ULK1: variants seen among roughly 807,000 people sequenced by gnomAD.
ULK1 encodes the protein serine/threonine-protein kinase ULK1.
Under a neutral mutation model 117.5 loss-of-function variants are expected in ULK1, and 48 were observed. That is an observed-to-expected ratio of 0.41 (90% confidence interval 0.32 to 0.52). The LOEUF is 0.52. Among genes scored for constraint, ULK1 ranks in the 20% least tolerant of loss-of-function variants. The probability of loss-of-function intolerance (pLI) is 0.29; values close to 1 mark genes in which losing one functional copy is unlikely to be tolerated. For synonymous variants in ULK1, 790 were observed against 637.8 expected (o/e 1.24, Z -3.60); for missense variants, 1,387 against 1,473.4 (o/e 0.94, Z 0.96).
intron 13 of ULK1, among the ~76,000 whole-genome samples, chr12:131,912,470 A>AC (rs1445384953): frequency 2.0e-5 from 3 of 152,058 alleles, no homozygotes; most frequent in Non-Finnish European, 4.4e-5. Flanking sequence ...CTTTTGGGGA[A>AC]CCCCCCGCTC....
chr12:131,918,522 T>C lies in ULK1; in HGVS notation c.2352T>C (p.Ser784=). Residue 784 remains serine, a synonymous_variant, in exon 23 of 28, where the codon TCT becomes TCC. Coordinates refer to ENST00000321867, the MANE Select transcript of ULK1 (RefSeq NM_003565.4). ...FSAGPTGSAS[S]SARHLVPGPC... is the part of the protein sequence containing the mutation. Reference sequence around the variant, plus strand: ...CGGGCCCCACTGGCTCTGCCAGCTCTTCTGCCCGCCACCTGGTGCCTGGGC... The same window carrying C: ...CGGGCCCCACTGGCTCTGCCAGCTCCTCTGCCCGCCACCTGGTGCCTGGGC... 1 of 1,610,650 alleles carries C rather than the reference T, an allele frequency of 6.2e-7. No homozygotes were observed. The highest frequency in any genetic ancestry group is 1.7e-5 in the Admixed American group (1 of 59,882).
At chr12:131,917,681 C>A (rs1889924606) in intron 22 of ULK1, 127 bp downstream of exon 22, 5 of 966,210 alleles carry the variant, frequency 5.2e-6, no homozygotes, top group Admixed American at 4.1e-5. Context: ...CCTGAGGAAG[C>A]AGCTCAGGCC....
rs780320013 is a variant in ULK1 at position 131,917,401 on chromosome 12, GCT to G, written c.2183-6_2183-5del. 1 of 1,498,498 alleles carries G rather than the reference GCT, an allele frequency of 6.7e-7. No homozygotes were observed. The highest frequency in any genetic ancestry group is 2.2e-5 in the Admixed American group (1 of 45,806). 92.8% of individuals were successfully genotyped at this position (1,498,498 alleles called of 1,614,324 possible). A position where few individuals can be genotyped will look rare whatever the true frequency, so the allele number is the denominator to read the frequency against. ...TCAGGATGCTCCTGAGCCCTTCCTT[GCT>G]CTCCCAGCACCCTCAGCTGGCTTTG... On this transcript the variant is annotated splice_polypyrimidine_tract_variant and splice_region_variant and intron_variant, in intron 21 of 27. Coordinates refer to ENST00000321867, the MANE Select transcript of ULK1 (RefSeq NM_003565.4).
chr12:131,914,454 A>G lies in ULK1; in HGVS notation c.1350A>G (p.Ser450=), dbSNP rs138425959. The G allele has an allele frequency of 1.9e-5, 30 of 1,612,672 alleles. No homozygotes were observed. The highest frequency in any genetic ancestry group is 2.1e-5 in the Non-Finnish European group (25 of 1,179,916). ...NYQRIERNLQ[S]PTQFQTPRSS... is the part of the protein sequence containing the mutation. ...AGCGCATTGAGCGAAACCTGCAGTC[A>G]CCCACCCAGTTCCAAACACCTCGGT... is the stretch of plus-strand genomic sequence containing the variant. The change falls in exon 16 of 28, where the codon TCA becomes TCG. Residue 450 remains serine, a synonymous_variant. Transcript: ENST00000321867.
At chr12:131,895,253 A>G (rs958643677) in intron 1 of ULK1, 141 bp downstream of exon 1, 5 of 186,748 alleles carry the variant, frequency 2.7e-5, no homozygotes, top group African/African-American at 1.7e-4. Flanking sequence ...CCCCCACCCC[A>G]GGATCCCCAC....
chr12:131,896,183 G>T (rs1888860259), intron 3 of ULK1, among the ~76,000 whole-genome samples: 1 of 152,110 alleles, frequency 6.6e-6, no homozygotes, highest in African/African-American at 2.4e-5. Flanking sequence ...CCGTGTGTTT[G>T]TTGACATTGC....
chr12:131,905,566 C>T (rs1489912562), intron 3 of ULK1, among the ~76,000 whole-genome samples: 2 of 152,156 alleles, frequency 1.3e-5, no homozygotes, highest in South Asian at 2.1e-4. Context: ...TGGATGTGTA[C>T]AGGGCAGAGG....
At chr12:131,916,765 A>G (rs1042458988) in intron 20 of ULK1, among the ~76,000 whole-genome samples, 174 bp downstream of exon 20, 3 of 151,350 alleles carry the variant, frequency 2.0e-5, no homozygotes, top group African/African-American at 4.9e-5. Context: ...CTGGCCCTAG[A>G]CCCACAGCAG....
chr12:131,896,398 G>A (rs1888874484), intron 3 of ULK1: 1 of 158,702 alleles, frequency 6.3e-6, no homozygotes, highest in African/African-American at 2.4e-5. Context: ...CCGTGTCCCG[G>A]GGCCCAGGGC....
At chr12:131,910,576 C>T in intron 11 of ULK1, 136 bp from the exon 12 acceptor site, 1 of 1,569,954 alleles carries the variant, frequency 6.4e-7, no homozygotes. Context: ...AGGAGGGAGC[C>T]TCCCTCCTTC....
At position 131,921,289 on chromosome 12, in the gene ULK1, C is replaced by T. The variant is rs201078741; in HGVS notation, c.3098-17C>T. 11 of 1,608,138 alleles carry T rather than the reference C, an allele frequency of 6.8e-6. No individual in the cohort carries two copies. The East Asian group carries it at 8.9e-5, about 13-fold the overall frequency. ...GGACTCTGGGCGTCTCCCTCACACT[C>T]CCCTCTCCCTCCACAGGCAAGCTGT... is the stretch of plus-strand genomic sequence containing the variant. On this transcript the variant is annotated splice_polypyrimidine_tract_variant and intron_variant, in intron 27 of 27. Transcript: ENST00000321867.
Position 131,909,994 on chromosome 12 carries a change from G to C in ULK1, c.801G>C (p.Met267Ile). The change falls in exon 10 of 28, where the codon ATG becomes ATC. Residue 267 changes from methionine to isoleucine, a missense_variant. This residue lies in a region of ULK1 where 260 missense variants were observed against 271.6 expected (regional missense o/e 0.96). Transcript: ENST00000321867. ...ALLQRNHKDR[M>I]DFDEFFHHPF... The stretch of plus-strand genomic sequence containing the variant: ...TGCAACGCAACCACAAGGACCGCAT[G>C]GACTTCGGTGAGCACCCACCAGGGG... 1 of 1,611,796 alleles carries C rather than the reference G, an allele frequency of 6.2e-7. No homozygotes were observed. The highest frequency in any genetic ancestry group is 8.5e-7 in the Non-Finnish European group (1 of 1,179,844).
Sources: allele counts gnomAD v4.1 joint callset (sites outside exome capture counted in the v4.1 genomes callset), GRCh38; gene constraint gnomAD v4.1.1; regional missense constraint gnomAD v4.1.1; transcripts MANE v1.5; gene names NCBI Gene and HGNC (gene_info 2026-07-23, HGNC 2026-07-21).